Variants in SAMD3 observed in about 807,000 individuals in gnomAD.
The protein encoded by SAMD3 is sterile alpha motif domain-containing protein 3.
Under a neutral mutation model 58.5 loss-of-function variants are expected in SAMD3, and 63 were observed. The ratio of observed to expected loss-of-function variants is 1.08; its 90% CI spans 0.88 to 1.33. The LOEUF is 1.33. Among genes scored for constraint, SAMD3 ranks in the 40% most tolerant of loss-of-function variants. SAMD3 has a pLI of 0.00. For missense variants in SAMD3, 604 were observed against 608.4 expected, an observed-to-expected ratio of 0.99 and a Z score of 0.08; for synonymous variants, 220 against 210.3, an observed-to-expected ratio of 1.05 and a Z score of -0.40.
chr6:130,181,232 C>A lies in SAMD3; in HGVS notation c.654+2871G>T, dbSNP rs550108895. On this transcript the variant is annotated intron_variant, in intron 7 of 11. Coordinates refer to ENST00000439090, the MANE Select transcript of SAMD3 (RefSeq NM_001017373.4). ...AAAGTGCTGGGATTATAGGCATGAGCCACCGTACCCGGCCCCAAATTTTTC... is the reference window on the plus strand; with the variant it reads ...AAAGTGCTGGGATTATAGGCATGAGACACCGTACCCGGCCCCAAATTTTTC... 2.6e-5 allele frequency among the ~76,000 whole-genome samples: 4 copies of A among 152,250 alleles called. No homozygotes were observed. The East Asian group carries it at 5.8e-4, about 22-fold the overall frequency.
chr6:130,364,140 C>A (rs1272194886), intron 1 of SAMD3, among the ~76,000 whole-genome samples: 1 of 152,136 alleles, frequency 6.6e-6, no homozygotes, highest in East Asian at 1.9e-4. Flanking sequence ...AAATAATTCC[C>A]TTTTGGTGAT....
chr6:130,213,577 C>G (rs1361602110), intron 4 of SAMD3, among the ~76,000 whole-genome samples: 5 of 151,860 alleles, frequency 3.3e-5, no homozygotes, highest in African/African-American at 7.3e-5. Context: ...TCTTAGAAAC[C>G]CTTCAAAAAA....
chr6:130,179,810 C>CTTTTTTTTT (rs71028199), intron 7 of SAMD3, among the ~76,000 whole-genome samples: 1 of 116,252 alleles, frequency 8.6e-6, no homozygotes. Context: ...TGTCCTTATT[C>CTTTTTTTTT]TTTTTTTTTT....
At chr6:130,301,169 G>A (rs375205460) in intron 2 of SAMD3, among the ~76,000 whole-genome samples, 127 of 152,166 alleles carry the variant, frequency 8.3e-4, no homozygotes, top group Non-Finnish European at 1.3e-3. Context: ...TTATGGCTGC[G>A]TAGTATTTCA....
chr6:130,245,023 A>G (rs1357574035), intron 2 of SAMD3, among the ~76,000 whole-genome samples: 2 of 152,230 alleles, frequency 1.3e-5, no homozygotes, highest in Non-Finnish European at 2.9e-5. Flanking sequence ...CGTGGGCTGT[A>G]TGAATTCTTA....
chr6:130,305,069 G>T (rs1232219018), intron 2 of SAMD3, among the ~76,000 whole-genome samples: 1 of 151,134 alleles, frequency 6.6e-6, no homozygotes, highest in East Asian at 1.9e-4. Flanking sequence ...CAAGTAGCTG[G>T]GACCACACAT....
In SAMD3 at chr6:130,207,169, A is replaced by AAAAAAAAAG. The variant is rs761201989; in HGVS notation, c.383+2325_383+2326insCTTTTTTTT. 1.6e-4 allele frequency among the ~76,000 whole-genome samples: 22 copies of AAAAAAAAAG among 140,976 alleles called. 1 individual carries two copies. In the South Asian group the frequency reaches 1.8e-3, roughly 11 times the overall value. The allele number at this position is 140,976 out of a possible 152,430, so 92.5% of individuals were successfully genotyped here. Reference sequence around the variant, plus strand: ...TAGACCCCATCTCATCAAAAAAAAAAAAAGAAAAAAAAGAAAAAGAAAAAA... The same window carrying AAAAAAAAAG: ...TAGACCCCATCTCATCAAAAAAAAAAAAAAAAAAGAAAGAAAAAAAAGAAAAAGAAAAAA... On this transcript the variant is annotated intron_variant, in intron 5 of 11. Transcript: ENST00000439090.
chr6:130,154,945 G>A lies in SAMD3; in HGVS notation c.903C>T (p.Asp301=). The change falls in exon 9 of 12, where the codon GAC becomes GAT. Residue 301 remains aspartate (D), a synonymous_variant. Coordinates refer to ENST00000439090, the MANE Select transcript of SAMD3 (RefSeq NM_001017373.4). ...TCATTCTCTTGTCAATTTCTCTCCA[G>A]TCCTTTTCTGTTTTCACGTATTCTT... ...FQQEYVKTEK[D]WREIDKRMSQ... The A allele has an allele frequency of 6.2e-7, 1 of 1,613,270 alleles. No individual in the cohort carries two copies. The highest frequency in any genetic ancestry group is 8.5e-7 in the Non-Finnish European group (1 of 1,179,650).
chr6:130,308,059 T>C (rs751639351), intron 2 of SAMD3, among the ~76,000 whole-genome samples: 16 of 152,192 alleles, frequency 1.1e-4, no homozygotes, highest in Non-Finnish European at 5.9e-5. Flanking sequence ...GTAGATACCA[T>C]ATAATCCTGG....
intron 5 of SAMD3, among the ~76,000 whole-genome samples, chr6:130,200,914 C>T (rs2114786364): frequency 6.6e-6 from 1 of 152,054 alleles, no homozygotes; most frequent in South Asian, 2.1e-4. Flanking sequence ...GTTGAATAAG[C>T]TGTTGGTCAT....
chr6:130,177,550 C>T (rs1284546946), intron 7 of SAMD3, among the ~76,000 whole-genome samples: 2 of 152,170 alleles, frequency 1.3e-5, no homozygotes, highest in African/African-American at 4.8e-5. Context: ...GCTTTGCCTT[C>T]AGGTCTCAGC....
chr6:130,180,760 G>A (rs1792234391), intron 7 of SAMD3, among the ~76,000 whole-genome samples: 1 of 152,060 alleles, frequency 6.6e-6, no homozygotes, highest in Admixed American at 6.6e-5. Flanking sequence ...CCTAGTGGGT[G>A]CCAGGGATGC....
chr6:130,295,558 C>A (rs557903931), intron 2 of SAMD3, among the ~76,000 whole-genome samples: 17 of 152,294 alleles, frequency 1.1e-4, no homozygotes, highest in African/African-American at 4.1e-4. Flanking sequence ...TAAGATATTT[C>A]TTTCCTAGGA....
intron 1 of SAMD3, among the ~76,000 whole-genome samples, chr6:130,332,550 A>T (rs184814170): frequency 1.3e-5 from 2 of 152,184 alleles, no homozygotes; most frequent in Non-Finnish European, 2.9e-5. Context: ...GCACTCAAGT[A>T]TATTGAATAA....
chr6:130,299,457 TAATG>T (rs1775675637), intron 2 of SAMD3, among the ~76,000 whole-genome samples: 1 of 152,030 alleles, frequency 6.6e-6, no homozygotes, highest in Admixed American at 6.6e-5. Flanking sequence ...CTCTGGGACA[TAATG>T]AAAGCAGTAT....
In SAMD3 at chr6:130,294,909, A is replaced by ATTTTTTTTTTTTTTTTTTTTTTTTTTTTT. The variant is rs774036634; in HGVS notation, c.-188+18040_-188+18068dup. On this transcript the variant is annotated intron_variant, in intron 2 of 13. Transcript: ENST00000368134. ...TCTAATTTTTCCATACATTTCTCTGATTTTTTTTTTTTTTTTTTTTTTTTT... is the reference window on the plus strand; with the variant it reads ...TCTAATTTTTCCATACATTTCTCTGATTTTTTTTTTTTTTTTTTTTTTTTTTTTTTTTTTTTTTTTTTTTTTTTTTTTTT... Among the ~76,000 whole-genome samples, 11 of 56,174 alleles carry ATTTTTTTTTTTTTTTTTTTTTTTTTTTTT rather than the reference A, an allele frequency of 2.0e-4. 1 individual carries two copies. Among genetic ancestry groups the ATTTTTTTTTTTTTTTTTTTTTTTTTTTTT allele is most frequent in the East Asian group, 8.1e-4 (2 of 2,464 alleles). The allele number at this position is 56,174 out of a possible 152,430, so 36.9% of individuals were successfully genotyped here.
At chr6:130,252,795 T>C (rs1279095015) in intron 2 of SAMD3, among the ~76,000 whole-genome samples, 1 of 152,192 alleles carries the variant, frequency 6.6e-6, no homozygotes, top group Non-Finnish European at 1.5e-5. Context: ...AGGAGCAAGC[T>C]TCAGAGATGC....
At chr6:130,253,763 AG>A (rs1360901531) in intron 2 of SAMD3, among the ~76,000 whole-genome samples, 1 of 150,740 alleles carries the variant, frequency 6.6e-6, no homozygotes, top group African/African-American at 2.4e-5. Flanking sequence ...TTTTTGGTGG[AG>A]GGGGGTATAT....
chr6:130,258,183 T>C (rs148313470), intron 2 of SAMD3, among the ~76,000 whole-genome samples: 1 of 152,314 alleles, frequency 6.6e-6, no homozygotes, highest in East Asian at 1.9e-4. Context: ...TTATGTTTGA[T>C]ATAAATATAG....
Sources: allele counts gnomAD v4.1 joint callset (sites outside exome capture counted in the v4.1 genomes callset), GRCh38; gene constraint gnomAD v4.1.1; transcripts MANE v1.5; gene names NCBI Gene and HGNC (gene_info 2026-07-23, HGNC 2026-07-21).